HADH: variants seen among roughly 807,000 people sequenced by gnomAD.
HADH encodes hydroxyacyl-CoA dehydrogenase.
Under a neutral mutation model 32.2 loss-of-function variants are expected in HADH, and 24 were observed. The ratio of observed to expected loss-of-function variants is 0.75; its 90% CI spans 0.54 to 1.05. The LOEUF (loss-of-function observed/expected upper bound fraction) is 1.05, where lower values mean the gene tolerates loss of function less well. HADH is among the 50% of genes least tolerant of loss of function. The pLI, the probability that HADH is intolerant of heterozygous loss-of-function variation, is 0.00. For missense variants in HADH, 350 were observed against 397.1 expected (o/e 0.88, Z 1.01); for synonymous variants, 139 against 152.5 (o/e 0.91, Z 0.65).
chr4:108,015,843 C>T (rs1735673598), intron 3 of HADH, among the ~76,000 whole-genome samples: 1 of 152,068 alleles, frequency 6.6e-6, no homozygotes, highest in African/African-American at 2.4e-5. Context: ...AGACATCTGA[C>T]AGCAGACAGT....
intron 1 of HADH, among the ~76,000 whole-genome samples, chr4:107,999,339 G>A (rs1735046734): frequency 6.6e-6 from 1 of 152,210 alleles, no homozygotes; most frequent in Non-Finnish European, 1.5e-5. Context: ...CATAGCAACT[G>A]CCCTACATTT....
intron 1 of HADH, among the ~76,000 whole-genome samples, chr4:108,007,059 G>C (rs899344557): frequency 2.0e-5 from 3 of 152,066 alleles, no homozygotes; most frequent in African/African-American, 7.2e-5. Flanking sequence ...TCTTATTTTT[G>C]CTGCATTTGG....
intron 1 of HADH, among the ~76,000 whole-genome samples, chr4:107,995,552 T>C (rs1461208489): frequency 1.3e-5 from 2 of 152,224 alleles, no homozygotes; most frequent in African/African-American, 4.8e-5. Context: ...AGAAAGATAG[T>C]GTACCATTTA....
At chr4:108,022,201 A>ATC (rs1735912089) in intron 4 of HADH, among the ~76,000 whole-genome samples, 1 of 139,666 alleles carries the variant, frequency 7.2e-6, no homozygotes, top group African/African-American at 2.7e-5. Flanking sequence ...GTGTGTGTGT[A>ATC]TGTGTGTGTG....
chr4:108,022,019 G>A (rs993424125), intron 4 of HADH, among the ~76,000 whole-genome samples: 7 of 152,068 alleles, frequency 4.6e-5, no homozygotes, highest in Non-Finnish European at 1.0e-4. Context: ...CGAGTCAGAC[G>A]GCCCTCTTGC....
intron 1 of HADH, among the ~76,000 whole-genome samples, chr4:108,003,599 C>T (rs544539140): frequency 1.3e-5 from 2 of 152,112 alleles, no homozygotes; most frequent in East Asian, 1.9e-4. Context: ...TTTTCTTCCT[C>T]CCTTTTTATA....
At position 108,034,402 on chromosome 4, in the gene HADH, C is replaced by A. The variant is rs773617147; in HGVS notation, c.*45C>A. ...TGAGAAGAACACCTGAGAGCGCTTT[C>A]CAGCCAGTGCCCCGAGTGCCTGTGG... On this transcript the variant is annotated 3_prime_UTR_variant, in exon 8 of 8. Coordinates refer to ENST00000309522, the MANE Select transcript of HADH (RefSeq NM_005327.7). 9.2e-7 allele frequency: 1 copy of A among 1,082,572 alleles called. No individual in the cohort carries two copies. The highest frequency in any genetic ancestry group is 1.2e-5 in the South Asian group (1 of 80,288). The allele number at this position is 1,082,572 out of a possible 1,614,324, so 67.1% of individuals were successfully genotyped here.
At chr4:108,023,280 C>T (rs571195502) in intron 4 of HADH, among the ~76,000 whole-genome samples, 194 bp from the exon 5 acceptor site, 2 of 152,178 alleles carry the variant, frequency 1.3e-5, no homozygotes, top group Admixed American at 1.3e-4. Context: ...GCATGAGCCA[C>T]CACATTTGGC....
At chr4:108,010,849 CTT>C (rs1199994737) in intron 2 of HADH, among the ~76,000 whole-genome samples, 1,466 of 124,766 alleles carry the variant, frequency 0.012, 11 homozygotes, top group African/African-American at 0.04. Flanking sequence ...CAACTTCATT[CTT>C]TTTTTTTTTT....
chr4:108,013,174 G>A (rs138345472), intron 2 of HADH, among the ~76,000 whole-genome samples: 2 of 152,182 alleles, frequency 1.3e-5, no homozygotes, highest in East Asian at 3.9e-4. Context: ...CTCGTGATCC[G>A]CCTGCCTCGG....
Position 108,019,633 on chromosome 4 carries a change from C to T in HADH, c.513C>T (p.Phe171=). ...AAGACCGATTCGCTGGCCTCCATTT[C>T]TTCAACCCAGTGCCTGTCATGAAAC... is the stretch of plus-strand genomic sequence containing the variant. The part of the protein sequence containing the change: ...TRQDRFAGLH[F]FNPVPVMKLV... Residue 171 remains phenylalanine (F), a synonymous_variant, in exon 4 of 8, where the codon TTC becomes TTT. Transcript: ENST00000309522. The T allele has an allele frequency of 6.2e-7, 1 of 1,614,174 alleles. No homozygotes were observed. Among genetic ancestry groups the T allele is most frequent in the African/African-American group, 1.3e-5 (1 of 75,060 alleles).
intron 1 of HADH, among the ~76,000 whole-genome samples, chr4:107,995,914 G>A (rs115853960): frequency 1.3e-5 from 2 of 152,138 alleles, no homozygotes; most frequent in Non-Finnish European, 2.9e-5. Context: ...CCTGCTGGTC[G>A]TCTACATCAG....
At chr4:107,995,971 T>C (rs1478685088) in intron 1 of HADH, among the ~76,000 whole-genome samples, 1 of 152,218 alleles carries the variant, frequency 6.6e-6, no homozygotes, top group Non-Finnish European at 1.5e-5. Flanking sequence ...CAAACTCACC[T>C]GCCAAGATCT....
At chr4:108,022,683 C>A (rs1560735621) in intron 4 of HADH, among the ~76,000 whole-genome samples, 1 of 152,130 alleles carries the variant, frequency 6.6e-6, no homozygotes, top group African/African-American at 2.4e-5. Flanking sequence ...TTAAGGGCAA[C>A]CATCATATAC....
chr4:107,990,389 T>C (rs1734744204), intron 1 of HADH, among the ~76,000 whole-genome samples: 1 of 152,242 alleles, frequency 6.6e-6, no homozygotes, highest in South Asian at 2.1e-4. Context: ...AAGAATTGTA[T>C]GTGCACAAGG....
chr4:108,012,737 G>T (rs113991792), intron 2 of HADH, among the ~76,000 whole-genome samples: 1 of 152,342 alleles, frequency 6.6e-6, no homozygotes, highest in South Asian at 2.1e-4. Context: ...AGGCTAAATT[G>T]TGGGAGCTAA....
chr4:108,031,046 T>C (rs921998217), intron 6 of HADH: 8 of 152,244 alleles, frequency 5.3e-5, no homozygotes, highest in African/African-American at 1.7e-4. Context: ...GGGTTAATTG[T>C]CCTGTCCTTG....
At chr4:108,022,212 TG>T in intron 4 of HADH, among the ~76,000 whole-genome samples, 1 of 151,610 alleles carries the variant, frequency 6.6e-6, no homozygotes, top group East Asian at 1.9e-4. Context: ...TGTGTGTGTG[TG>T]TGTGTGTGTG....
chr4:108,003,545 T>G (rs1328427143), intron 1 of HADH, among the ~76,000 whole-genome samples: 1 of 152,112 alleles, frequency 6.6e-6, no homozygotes, highest in South Asian at 2.1e-4. Context: ...TTAAAGACTT[T>G]GGTGGTAAAG....
Sources: allele counts gnomAD v4.1 joint callset (sites outside exome capture counted in the v4.1 genomes callset), GRCh38; gene constraint gnomAD v4.1.1; transcripts MANE v1.5; gene names NCBI Gene and HGNC (gene_info 2026-07-23, HGNC 2026-07-21).